The following EPB41L1 variants were observed in gnomAD, a reference collection of about 807,000 sequenced individuals.
The protein encoded by EPB41L1 is band 4.1-like protein 1.
A neutral mutation model predicts 97.8 loss-of-function variants in EPB41L1; 29 were observed. The observed-to-expected ratio is 0.30, with a 90% CI of 0.22 to 0.40. EPB41L1 has a LOEUF of 0.40. Ranked by LOEUF, EPB41L1 falls within the 10% of genes least tolerant of loss-of-function variation. EPB41L1 has a pLI of 1.00. For missense variants in EPB41L1, 812 were observed against 1,162.3 expected, an observed-to-expected ratio of 0.70 and a Z score of 4.38; for synonymous variants, 383 against 459.2, an observed-to-expected ratio of 0.83 and a Z score of 2.12.
At chr20:36,187,366 A>G (rs933948638) in intron 7 of EPB41L1, among the ~76,000 whole-genome samples, 16 of 152,228 alleles carry the variant, frequency 1.1e-4, no homozygotes, top group African/African-American at 3.6e-4. Context: ...GTCATGGAAA[A>G]GTAGAATTTA....
In EPB41L1 at chr20:36,139,573, T is replaced by A. The variant is rs575189274; in HGVS notation, c.-10+27093T>A. Among the ~76,000 whole-genome samples, 5 of 152,264 alleles carry A rather than the reference T, an allele frequency of 3.3e-5. No individual in the cohort carries two copies. In the East Asian group the frequency reaches 7.7e-4, roughly 24 times the overall value. ...CTATCCAATAACACAGAAGTTTAAA[T>A]TTTTCCTCATTCACAGCACTAGCTC... On this transcript the variant is annotated intron_variant, in intron 2 of 19. Coordinates refer to the EPB41L1 transcript ENST00000202028.
chr20:36,178,796 C>A, intron 5 of EPB41L1, 124 bp downstream of exon 5: 1 of 1,062,104 alleles, frequency 9.4e-7, no homozygotes, highest in Non-Finnish European at 1.5e-6. Context: ...GTGGCTCATC[C>A]CTGTAATCCC....
Position 36,206,659 on chromosome 20 carries a change from G to C in EPB41L1, c.1669-2829G>C. 1 of 1,289,854 alleles carries C rather than the reference G, an allele frequency of 7.8e-7. No homozygotes were observed. The highest frequency in any genetic ancestry group is 1.0e-6 in the Non-Finnish European group (1 of 988,882). The allele number at this position is 1,289,854 out of a possible 1,614,324, so 79.9% of individuals were successfully genotyped here. On this transcript the variant is annotated intron_variant, in intron 14 of 21. Coordinates refer to ENST00000338074, the MANE Select transcript of EPB41L1 (RefSeq NM_012156.2). This position sits in a 1 kb window ranked among gnomAD's most constrained non-coding sequence, Gnocchi z 5.5. The stretch of plus-strand genomic sequence containing the variant: ...CGAAGCCCACATGACTTCCCCAAAG[G>C]AAGGGGCAGGGACCCCCAAGAACCA...
chr20:36,199,595 C>T (rs1489243988), intron 14 of EPB41L1, among the ~76,000 whole-genome samples: 2 of 152,144 alleles, frequency 1.3e-5, no homozygotes, highest in African/African-American at 4.8e-5. Context: ...GCTTTGGGGG[C>T]CTTTAAGGCT....
intron 12 of EPB41L1, 116 bp downstream of exon 12, chr20:36,194,476 G>A (rs1274564739): frequency 2.2e-6 from 3 of 1,351,330 alleles, no homozygotes; most frequent in Non-Finnish European, 2.1e-6. Context: ...CCTTACTATG[G>A]AGTGCACCAT....
chr20:36,212,205 A>T lies in EPB41L1; in HGVS notation c.2080-67A>T. 1.4e-6 allele frequency: 2 copies of T among 1,474,298 alleles called. No individual in the cohort carries two copies. The highest frequency in any genetic ancestry group is 1.9e-6 in the Non-Finnish European group (2 of 1,053,650). 91.3% of individuals were successfully genotyped at this position (1,474,298 alleles called of 1,614,324 possible). ...AGATAGCCTGCAGACACCACACTGC[A>T]ATTGTCTGTGAGCAAGGGTCATGCT... On this transcript the variant is annotated intron_variant, in intron 15 of 21. Coordinates refer to ENST00000338074, the MANE Select transcript of EPB41L1 (RefSeq NM_012156.2). This position sits in a 1 kb window ranked among gnomAD's most constrained non-coding sequence, Gnocchi z 4.8.
At chr20:36,162,442 T>G (rs2145676159) in intron 1 of EPB41L1, among the ~76,000 whole-genome samples, 1 of 152,370 alleles carries the variant, frequency 6.6e-6, no homozygotes, top group Non-Finnish European at 1.5e-5. Flanking sequence ...ACTTGAGTCC[T>G]AGTCCTGGCT....
At chr20:36,203,785 G>A (rs542512345) in intron 14 of EPB41L1, among the ~76,000 whole-genome samples, 23 of 152,106 alleles carry the variant, frequency 1.5e-4, no homozygotes, top group African/African-American at 4.8e-4. Context: ...CTTTTATCTC[G>A]CTTTCCCATG....
intron 2 of EPB41L1, among the ~76,000 whole-genome samples, chr20:36,143,119 A>G (rs972363727): frequency 6.9e-6 from 1 of 144,670 alleles, no homozygotes; most frequent in African/African-American, 2.6e-5. Flanking sequence ...GGTTGTGGCT[A>G]TGTGAGGGAG....
Position 36,207,653 on chromosome 20 carries a change from T to C in EPB41L1, c.1669-1835T>C. ...CCCAAAGCCACACATTCCACAGTGA[T>C]ACCTCTGGCTACCAGACACTTCAGG... On this transcript the variant is annotated intron_variant, in intron 14 of 21. Transcript: ENST00000338074. This position sits in a 1 kb window ranked among gnomAD's most constrained non-coding sequence, Gnocchi z 4.9. 3 of 1,290,156 alleles carry C rather than the reference T, an allele frequency of 2.3e-6. No homozygotes were observed. Among genetic ancestry groups the C allele is most frequent in the Non-Finnish European group, 3.0e-6 (3 of 988,940 alleles). The allele number at this position is 1,290,156 out of a possible 1,614,324, so 79.9% of individuals were successfully genotyped here.
At chr20:36,164,925 A>G (rs1005622819) in intron 1 of EPB41L1, among the ~76,000 whole-genome samples, 1 of 151,910 alleles carries the variant, frequency 6.6e-6, no homozygotes, top group Non-Finnish European at 1.5e-5. Flanking sequence ...ACCTCAGGTG[A>G]TCCACCCGCC....
intron 21 of EPB41L1, among the ~76,000 whole-genome samples, chr20:36,228,986 G>A (rs1257509139): frequency 1.3e-5 from 2 of 151,952 alleles, no homozygotes; most frequent in African/African-American, 4.8e-5. Context: ...ACACACATGG[G>A]CTCTGGAATC....
At chr20:36,224,262 T>TA (rs556519227) in intron 21 of EPB41L1, among the ~76,000 whole-genome samples, 10 of 152,244 alleles carry the variant, frequency 6.6e-5, no homozygotes, top group African/African-American at 1.9e-4. Context: ...AAATTTAATA[T>TA]AAAAAAAGTA....
rs1315943830 is a variant in EPB41L1, at chr20:36,130,029, C to A, written c.-10+17549C>A. On this transcript the variant is annotated intron_variant, in intron 2 of 19. Coordinates refer to the EPB41L1 transcript ENST00000202028. ...TGATCTCAGCTTACTGCAACCTCCG[C>A]CCCCCAGGTTCAAGTGATTCTCATG... Among the ~76,000 whole-genome samples the A allele has an allele frequency of 3.3e-5, 5 of 151,644 alleles. No individual in the cohort carries two copies. The East Asian group carries it at 9.7e-4, about 29-fold the overall frequency.
chr20:36,124,788 T>C lies in EPB41L1; in HGVS notation c.-10+12308T>C, dbSNP rs141361354. Among the ~76,000 whole-genome samples the C allele has an allele frequency of 8.1e-3, 1,240 of 152,294 alleles. 12 individuals carry two copies. Among genetic ancestry groups the C allele is most frequent in the Non-Finnish European group, 0.012 (850 of 68,032 alleles). ...TCTATTGGATGAATGAATGAATGAATTGTAAGGAAATGAGAGAGTGCTGGT... is the reference window on the plus strand; with the variant it reads ...TCTATTGGATGAATGAATGAATGAACTGTAAGGAAATGAGAGAGTGCTGGT... On this transcript the variant is annotated intron_variant, in intron 2 of 19. Coordinates refer to the EPB41L1 transcript ENST00000202028.
intron 2 of EPB41L1, among the ~76,000 whole-genome samples, chr20:36,121,284 G>A (rs1391428608): frequency 3.3e-5 from 5 of 152,128 alleles, no homozygotes; most frequent in Non-Finnish European, 2.9e-5. Flanking sequence ...ATAGCAGCCC[G>A]AAAGCAGAAC....
intron 2 of EPB41L1, among the ~76,000 whole-genome samples, chr20:36,131,276 A>G (rs920428541): frequency 2.0e-5 from 3 of 151,736 alleles, no homozygotes; most frequent in Non-Finnish European, 4.4e-5. Context: ...CGCCTGGCTA[A>G]TTTTTGTATT....
intron 11 of EPB41L1, among the ~76,000 whole-genome samples, chr20:36,193,372 G>A (rs939856968): frequency 1.3e-5 from 2 of 152,150 alleles, no homozygotes; most frequent in African/African-American, 4.8e-5. Context: ...GCATAAATGC[G>A]TACTTTGCAA....
At chr20:36,192,086 C>G (rs189431690) in intron 11 of EPB41L1, among the ~76,000 whole-genome samples, 1 of 151,922 alleles carries the variant, frequency 6.6e-6, no homozygotes, top group Admixed American at 6.6e-5. Flanking sequence ...ATTAGCCGGG[C>G]GTGGTGGCAT....
Sources: gnomAD v4.1 joint callset for allele counts (sites outside exome capture counted in the v4.1 genomes callset) on GRCh38, gnomAD v4.1.1 for gene constraint, Gnocchi (gnomAD v3.1) non-coding constraint, MANE v1.5 for transcripts, NCBI Gene and HGNC (gene_info 2026-07-23, HGNC 2026-07-21) for gene names.